The following ARL15 variants were observed in gnomAD, a reference collection of about 807,000 sequenced individuals.
ARL15 encodes ADP-ribosylation factor-like protein 15.
A neutral mutation model predicts 25.2 loss-of-function variants in ARL15; 19 were observed. The ratio of observed to expected loss-of-function variants is 0.75; its 90% confidence interval spans 0.53 to 1.10. The LOEUF is 1.10. Among genes scored for constraint, ARL15 ranks in the 50% least tolerant of loss-of-function variants. The pLI, the probability that ARL15 is intolerant of heterozygous loss-of-function variation, is 0.00. For missense variants in ARL15, 220 were observed against 246.0 expected (o/e 0.89, Z 0.71); for synonymous variants, 94 against 86.8 (o/e 1.08, Z -0.46).
At chr5:53,964,058 C>G (rs933275601) in intron 4 of ARL15, among the ~76,000 whole-genome samples, 2 of 152,190 alleles carry the variant, frequency 1.3e-5, no homozygotes, top group African/African-American at 4.8e-5. Context: ...ATTCCCACAG[C>G]TGAGGCCAAC....
chr5:54,282,521 T>C (rs546845027), intron 1 of ARL15: 2 of 985,310 alleles, frequency 2.0e-6, no homozygotes, highest in Non-Finnish European at 2.4e-6. Flanking sequence ...GTCTGGGGCA[T>C]GTGGCTTTAT....
intron 4 of ARL15, among the ~76,000 whole-genome samples, chr5:54,110,250 T>C (rs895538467): frequency 6.6e-6 from 1 of 151,978 alleles, no homozygotes; most frequent in Admixed American, 6.6e-5. Context: ...TTTATTCTCT[T>C]TGGAGTCCCA....
rs1049793490 is a variant in ARL15 at position 54,096,463 on chromosome 5, G to T, written c.462+16739C>A. Among the ~76,000 whole-genome samples, 3 of 152,220 alleles carry T rather than the reference G, an allele frequency of 2.0e-5. No homozygotes were observed. In the East Asian group the frequency reaches 5.8e-4, roughly 29 times the overall value. On this transcript the variant is annotated intron_variant, in intron 4 of 4. Coordinates refer to ENST00000504924, the MANE Select transcript of ARL15 (RefSeq NM_019087.3). ...AAGTCTTGTCCCGTCACCCAGGCTG[G>T]AGTGCAGTGGTGCCATCTTGGCTCA...
intron 1 of ARL15, among the ~76,000 whole-genome samples, chr5:54,258,623 A>G (rs1757425290): frequency 6.6e-6 from 1 of 152,202 alleles, no homozygotes; most frequent in South Asian, 2.1e-4. Flanking sequence ...CAAATTCCCC[A>G]GGGCACTTAA....
chr5:54,267,284 G>C (rs1757653821), intron 1 of ARL15, among the ~76,000 whole-genome samples: 1 of 152,096 alleles, frequency 6.6e-6, no homozygotes, highest in Non-Finnish European at 1.5e-5. Context: ...GTAGAGACGG[G>C]GTTTCACATT....
At chr5:54,033,744 C>T (rs1260941748) in intron 4 of ARL15, among the ~76,000 whole-genome samples, 1 of 151,516 alleles carries the variant, frequency 6.6e-6, no homozygotes, top group African/African-American at 2.4e-5. Flanking sequence ...AAGAAAATAC[C>T]ACAGAAATAA....
intron 1 of ARL15, among the ~76,000 whole-genome samples, chr5:54,272,107 C>CTTTTTT (rs34592464): frequency 2.7e-5 from 1 of 36,790 alleles, no homozygotes; most frequent in Non-Finnish European, 5.6e-5. Flanking sequence ...CCACTCCTGG[C>CTTTTTT]TTTTTTTTTT....
At chr5:54,200,651 G>A (rs1326980170) in intron 1 of ARL15, among the ~76,000 whole-genome samples, 3 of 152,122 alleles carry the variant, frequency 2.0e-5, no homozygotes, top group African/African-American at 7.2e-5. Context: ...ACCTGTACTA[G>A]GGTTAGGCAG....
intron 1 of ARL15, among the ~76,000 whole-genome samples, chr5:54,297,066 G>A (rs1051909404): frequency 2.6e-5 from 4 of 152,198 alleles, no homozygotes; most frequent in African/African-American, 9.6e-5. Context: ...TTAGGCCCAG[G>A]TTTATTGTGC....
At chr5:54,281,024 T>C (rs931069103) in intron 1 of ARL15, among the ~76,000 whole-genome samples, 3 of 152,014 alleles carry the variant, frequency 2.0e-5, no homozygotes, top group Non-Finnish European at 1.5e-5. Context: ...TTTGTTGTTG[T>C]TGTATTGTGA....
At chr5:54,124,198 C>G (rs1265456588) in intron 3 of ARL15, among the ~76,000 whole-genome samples, 1 of 152,138 alleles carries the variant, frequency 6.6e-6, no homozygotes, top group Non-Finnish European at 1.5e-5. Flanking sequence ...AATTTTCTTA[C>G]AATTCTGATA....
intron 1 of ARL15, among the ~76,000 whole-genome samples, chr5:54,262,213 A>C (rs1242989957): frequency 1.3e-5 from 2 of 152,216 alleles, no homozygotes; most frequent in Non-Finnish European, 2.9e-5. Context: ...TTCATCCCCA[A>C]GATCCAAGCC....
chr5:54,087,304 G>GGAGT (rs1487886976), intron 4 of ARL15, among the ~76,000 whole-genome samples: 1 of 152,010 alleles, frequency 6.6e-6, no homozygotes, highest in African/African-American at 2.4e-5. Context: ...CTCCAGCCTG[G>GGAGT]GCGACAGAGC....
intron 4 of ARL15, among the ~76,000 whole-genome samples, chr5:54,055,732 T>TG (rs1390789386): frequency 2.0e-5 from 3 of 152,128 alleles, no homozygotes; most frequent in African/African-American, 7.2e-5. Flanking sequence ...ACATCCAGTT[T>TG]CTTCTGTCAT....
chr5:53,982,056 G>A (rs965291476), intron 4 of ARL15, among the ~76,000 whole-genome samples: 1 of 152,180 alleles, frequency 6.6e-6, no homozygotes, highest in Non-Finnish European at 1.5e-5. Context: ...CACTAAGGAG[G>A]AGGTAAGGAG....
intron 1 of ARL15, among the ~76,000 whole-genome samples, chr5:54,231,269 C>T (rs950994516): frequency 1.2e-4 from 19 of 152,066 alleles, no homozygotes; most frequent in Non-Finnish European, 2.5e-4. Context: ...CTTCACTGAC[C>T]CATCCAGTCA....
At chr5:53,992,509 A>T (rs763463159) in intron 4 of ARL15, among the ~76,000 whole-genome samples, 4 of 152,214 alleles carry the variant, frequency 2.6e-5, no homozygotes, top group Non-Finnish European at 5.9e-5. Context: ...TACCTACCCA[A>T]ATGCATTTTT....
chr5:54,114,406 G>GGAAAAAAAAAAAAAA (rs1342951039), intron 3 of ARL15, among the ~76,000 whole-genome samples: 1 of 74,474 alleles, frequency 1.3e-5, no homozygotes, highest in African/African-American at 5.7e-5. Context: ...TCCATCTCAA[G>GGAAAAAAAAAAAAAA]AAAAAAAAAA....
In ARL15 at chr5:54,082,452, C is replaced by T. The variant is rs977262363; in HGVS notation, c.462+30750G>A. Among the ~76,000 whole-genome samples the T allele has an allele frequency of 4.6e-5, 7 of 152,240 alleles. No homozygotes were observed. In the South Asian group the frequency reaches 1.4e-3, roughly 32 times the overall value. On this transcript the variant is annotated intron_variant, in intron 4 of 4. Coordinates refer to ENST00000504924, the MANE Select transcript of ARL15 (RefSeq NM_019087.3). ...TTTACCCTTTCAAAAACTACATATA[C>T]ATACGTGTGTGTATAGACAGATACT...
Sources: allele counts gnomAD v4.1 joint callset (sites outside exome capture counted in the v4.1 genomes callset), GRCh38; gene constraint gnomAD v4.1.1; transcripts MANE v1.5; gene names NCBI Gene and HGNC (gene_info 2026-07-23, HGNC 2026-07-21).